Variants in PDZD2 observed in about 807,000 individuals in gnomAD.
PDZD2 encodes PDZ domain containing 2.
Under a neutral mutation model 220.7 loss-of-function variants are expected in PDZD2, and 90 were observed. That is an observed-to-expected ratio of 0.41 (90% CI 0.34 to 0.49). The LOEUF is 0.49. PDZD2 is among the 20% of genes least tolerant of loss of function. PDZD2 has a pLI of 0.28. For missense variants in PDZD2, 3,174 were observed against 3,608.5 expected, an observed-to-expected ratio of 0.88 and a Z score of 3.08; for synonymous variants, 1,375 against 1,450.5, an observed-to-expected ratio of 0.95 and a Z score of 1.18.
chr5:31,727,175 T>G (rs1016700526), intron 1 of PDZD2, among the ~76,000 whole-genome samples: 4 of 152,122 alleles, frequency 2.6e-5, no homozygotes, highest in Admixed American at 2.0e-4. Flanking sequence ...GATTACATTT[T>G]AATATGAGAT....
At chr5:31,721,631 C>A (rs2150147941) in intron 1 of PDZD2, among the ~76,000 whole-genome samples, 1 of 146,848 alleles carries the variant, frequency 6.8e-6, no homozygotes, top group East Asian at 2.0e-4. Context: ...TATGGGCTAT[C>A]TTTAAAAAAG....
chr5:31,789,341 C>T (rs1362957437), intron 1 of PDZD2, among the ~76,000 whole-genome samples: 1 of 152,200 alleles, frequency 6.6e-6, no homozygotes, highest in Non-Finnish European at 1.5e-5. Flanking sequence ...ACTTGCTCCT[C>T]GAACATAGGT....
chr5:31,721,879 C>A (rs1013899294), intron 1 of PDZD2, among the ~76,000 whole-genome samples: 5 of 152,044 alleles, frequency 3.3e-5, no homozygotes, highest in Non-Finnish European at 7.4e-5. Context: ...GACTCTACTT[C>A]CCCCTAAATC....
At chr5:31,856,137 ACT>A (rs1218507286) in intron 2 of PDZD2, among the ~76,000 whole-genome samples, 1 of 152,134 alleles carries the variant, frequency 6.6e-6, no homozygotes, top group Non-Finnish European at 1.5e-5. Flanking sequence ...CTGTTTTGTA[ACT>A]CTCAATTCAA....
intron 2 of PDZD2, among the ~76,000 whole-genome samples, chr5:31,930,801 G>A (rs939384764): frequency 1.3e-5 from 2 of 152,100 alleles, no homozygotes; most frequent in African/African-American, 4.8e-5. Flanking sequence ...CAGACGCGGT[G>A]GCTCAGGCCT....
chr5:32,017,158 C>T (rs1407080008), intron 6 of PDZD2, among the ~76,000 whole-genome samples: 2 of 152,186 alleles, frequency 1.3e-5, no homozygotes, highest in African/African-American at 2.4e-5. Context: ...TGGCCTGGGC[C>T]GGGCACAGTG....
At chr5:31,738,791 G>A (rs1257190546) in intron 1 of PDZD2, 4 of 152,242 alleles carry the variant, frequency 2.6e-5, no homozygotes, top group Middle Eastern at 3.4e-3. Context: ...ATCGTTTAGC[G>A]ATACACAAGG....
At position 32,073,842 on chromosome 5, in the gene PDZD2, G is replaced by A. The variant is rs112087194; in HGVS notation, c.2736G>A (p.Glu912=). 6.2e-7 allele frequency: 1 copy of A among 1,607,068 alleles called. No individual in the cohort carries two copies. The highest frequency in any genetic ancestry group is 8.5e-7 in the Non-Finnish European group (1 of 1,177,316). ...SLPPSTSTHK[E]PGKPRANSLV... Reference sequence around the variant, plus strand: ...CCCCACCTCCACCAGCTCACAAGGAGCCTGGAAAACCCAGAGCCAACAGCC... The same window carrying A: ...CCCCACCTCCACCAGCTCACAAGGAACCTGGAAAACCCAGAGCCAACAGCC... The change falls in exon 18 of 25, where the codon GAG becomes GAA. Residue 912 remains glutamate (E), a synonymous_variant. Coordinates refer to ENST00000438447, the MANE Select transcript of PDZD2 (RefSeq NM_178140.4).
chr5:31,803,300 A>G (rs1027271114), intron 2 of PDZD2, among the ~76,000 whole-genome samples: 3 of 95,428 alleles, frequency 3.1e-5, no homozygotes, highest in Non-Finnish European at 3.8e-5. Context: ...ATGGTATCTT[A>G]CTATGTTGCC....
chr5:31,805,009 C>G (rs1754628240), intron 2 of PDZD2, among the ~76,000 whole-genome samples: 1 of 152,130 alleles, frequency 6.6e-6, no homozygotes, highest in Non-Finnish European at 1.5e-5. Flanking sequence ...GCCTGGCCAA[C>G]ATGGCGAAAC....
intron 5 of PDZD2, among the ~76,000 whole-genome samples, chr5:32,002,185 G>T (rs1752184765): frequency 1.3e-5 from 2 of 152,076 alleles, no homozygotes; most frequent in East Asian, 3.9e-4. Flanking sequence ...CCAAACCCTT[G>T]ACCTAGACTC....
chr5:31,967,054 A>G (rs771657524), intron 2 of PDZD2, among the ~76,000 whole-genome samples: 17 of 152,242 alleles, frequency 1.1e-4, no homozygotes, highest in Non-Finnish European at 2.4e-4. Context: ...GTAAATTCAG[A>G]AAAGAAGCCC....
At chr5:31,956,813 C>G (rs1192298243) in intron 2 of PDZD2, among the ~76,000 whole-genome samples, 1 of 148,500 alleles carries the variant, frequency 6.7e-6, no homozygotes, top group African/African-American at 2.5e-5. Context: ...GATTTCCTCC[C>G]AAAGCTTAGG....
At chr5:31,853,734 T>G (rs905993699) in intron 2 of PDZD2, among the ~76,000 whole-genome samples, 13 of 152,204 alleles carry the variant, frequency 8.5e-5, no homozygotes, top group Admixed American at 6.5e-4. Flanking sequence ...TAGGGGCTGC[T>G]GGATGCCCAC....
In PDZD2 at chr5:32,078,638, T is replaced by TGAA. The variant is rs1561525673; in HGVS notation, c.3682+1032_3682+1033insGAA. 5.7e-4 allele frequency among the ~76,000 whole-genome samples: 60 copies of TGAA among 104,928 alleles called. 1 individual carries two copies. The highest frequency in any genetic ancestry group is 7.8e-4 in the Non-Finnish European group (43 of 55,368). 68.8% of individuals were successfully genotyped at this position (104,928 alleles called of 152,430 possible). A position where few individuals can be genotyped will look rare whatever the true frequency, so the allele number is the denominator to read the frequency against. ...TACAGTGAAACTGTGTCTCAAAAAT[T>TGAA]AAAAAAAAAAAAAAAAAAAAAGGAA... On this transcript the variant is annotated intron_variant, in intron 19 of 24. Transcript: ENST00000438447.
chr5:31,751,134 C>T (rs576155515), intron 1 of PDZD2, among the ~76,000 whole-genome samples: 4 of 151,434 alleles, frequency 2.6e-5, no homozygotes, highest in South Asian at 2.1e-4. Flanking sequence ...CTCAGCTACT[C>T]GGAGGCCGAA....
In PDZD2 at chr5:32,092,946, A is replaced by G. The variant is rs1370458999; in HGVS notation, c.7767A>G (p.Arg2589=). 6.2e-7 allele frequency: 1 copy of G among 1,605,118 alleles called. No individual in the cohort carries two copies. Among genetic ancestry groups the G allele is most frequent in the Admixed American group, 1.7e-5 (1 of 59,978 alleles). The part of the protein sequence containing the change: ...QLLVSAGDQQ[R]LQSVLSSVGS... ...TAGTCTCAGCGGGGGACCAGCAAAGATTACAGTCTGTTTTATCGTCAGTGG... is the reference window on the plus strand; with the variant it reads ...TAGTCTCAGCGGGGGACCAGCAAAGGTTACAGTCTGTTTTATCGTCAGTGG... The change falls in exon 21 of 25, where the codon AGA becomes AGG. Residue 2589 remains arginine (R), a synonymous_variant. Coordinates refer to ENST00000438447, the MANE Select transcript of PDZD2 (RefSeq NM_178140.4).
At chr5:32,105,587 C>A (rs533889977) in intron 24 of PDZD2, among the ~76,000 whole-genome samples, 58 of 152,230 alleles carry the variant, frequency 3.8e-4, no homozygotes, top group African/African-American at 1.3e-3. Context: ...ACACCTCTCT[C>A]TATATACTAA....
intron 8 of PDZD2, among the ~76,000 whole-genome samples, chr5:32,050,496 A>G (rs545137519): frequency 1.3e-5 from 2 of 151,912 alleles, no homozygotes; most frequent in South Asian, 4.2e-4. Flanking sequence ...CCCAGGATTC[A>G]TCTTTCTTTT....
Sources: allele counts gnomAD v4.1 joint callset (sites outside exome capture counted in the v4.1 genomes callset), GRCh38; gene constraint gnomAD v4.1.1; transcripts MANE v1.5; gene names NCBI Gene and HGNC (gene_info 2026-07-23, HGNC 2026-07-21).